Variants in TANC2 observed in about 807,000 individuals in gnomAD.
TANC2 encodes protein TANC2.
TANC2 carries 26 observed loss-of-function variants against 210.5 expected under a neutral mutation model. The ratio of observed to expected loss-of-function variants is 0.12; its 90% confidence interval spans 0.09 to 0.17. The LOEUF is 0.17. TANC2 is among the 10% of genes least tolerant of loss of function. The pLI is 1.00. For synonymous variants in TANC2, 931 were observed against 967.1 expected, an observed-to-expected ratio of 0.96 and a Z score of 0.69; for missense variants, 2,129 against 2,608.9, an observed-to-expected ratio of 0.82 and a Z score of 4.01.
At chr17:63,128,315 C>T (rs2145196938) in intron 4 of TANC2, among the ~76,000 whole-genome samples, 1 of 152,238 alleles carries the variant, frequency 6.6e-6, no homozygotes, top group African/African-American at 2.4e-5. Context: ...GTGATTATTA[C>T]ACATTATATG....
At chr17:63,375,881 A>G (rs1170815676) in intron 14 of TANC2, among the ~76,000 whole-genome samples, 2 of 152,160 alleles carry the variant, frequency 1.3e-5, no homozygotes, top group Non-Finnish European at 2.9e-5. Context: ...TGAGATCAGG[A>G]GTTCAAGTCC....
At chr17:63,073,089 T>C (rs1357478000) in intron 2 of TANC2, among the ~76,000 whole-genome samples, 1 of 152,130 alleles carries the variant, frequency 6.6e-6, no homozygotes, top group Non-Finnish European at 1.5e-5. Flanking sequence ...GGAAATTGTT[T>C]GATGCCTTAA....
chr17:63,169,979 C>T (rs540135773), intron 5 of TANC2, among the ~76,000 whole-genome samples: 30 of 142,614 alleles, frequency 2.1e-4, no homozygotes, highest in East Asian at 4.3e-4. Flanking sequence ...ATTAGCCAGG[C>T]GCGGTGGCAG....
At chr17:63,340,501 A>G (rs1426791522) in intron 12 of TANC2, among the ~76,000 whole-genome samples, 169 bp downstream of exon 12, 2 of 152,208 alleles carry the variant, frequency 1.3e-5, no homozygotes, top group African/African-American at 4.8e-5. Flanking sequence ...TGCAAAAAAA[A>G]AAATCCAGCA....
chr17:63,380,885 C>A (rs1598986240), intron 15 of TANC2, among the ~76,000 whole-genome samples: 1 of 152,290 alleles, frequency 6.6e-6, no homozygotes, highest in African/African-American at 2.4e-5. Flanking sequence ...TCTTGTCTAA[C>A]AAATCACTGT....
intron 7 of TANC2, among the ~76,000 whole-genome samples, chr17:63,212,059 G>A (rs2145875149): frequency 1.3e-5 from 2 of 152,216 alleles, no homozygotes; most frequent in Middle Eastern, 6.8e-3. Context: ...GCCCCGGTGT[G>A]TGATGTTCCC....
At chr17:63,361,338 C>T (rs1430275549) in intron 14 of TANC2, among the ~76,000 whole-genome samples, 2 of 152,198 alleles carry the variant, frequency 1.3e-5, no homozygotes, top group African/African-American at 4.8e-5. Flanking sequence ...TGGCCCAGAT[C>T]CCACACCTCC....
At chr17:63,097,127 A>G (rs1395852759) in intron 3 of TANC2, among the ~76,000 whole-genome samples, 1 of 151,528 alleles carries the variant, frequency 6.6e-6, no homozygotes, top group Non-Finnish European at 1.5e-5. Context: ...TGCAGCCTCA[A>G]CCTCCTGGGC....
At chr17:63,201,315 G>A (rs576908980) in intron 7 of TANC2, among the ~76,000 whole-genome samples, 347 of 152,250 alleles carry the variant, frequency 2.3e-3, no homozygotes, top group Non-Finnish European at 4.1e-3. Flanking sequence ...TGAAAGAAAG[G>A]TGAGATTAGA....
intron 9 of TANC2, among the ~76,000 whole-genome samples, chr17:63,307,669 A>G (rs956380599): frequency 4.6e-5 from 7 of 152,208 alleles, no homozygotes; most frequent in African/African-American, 1.4e-4. Context: ...TTGATTTTCT[A>G]TAGAGATTAA....
At chr17:63,060,639 C>A (rs143791858) in intron 2 of TANC2, among the ~76,000 whole-genome samples, 2 of 152,026 alleles carry the variant, frequency 1.3e-5, no homozygotes, top group Non-Finnish European at 2.9e-5. Flanking sequence ...AACAAGTCCT[C>A]ATTTAATCTT....
chr17:63,216,246 AC>A (rs1374045835), intron 7 of TANC2, among the ~76,000 whole-genome samples: 1 of 151,412 alleles, frequency 6.6e-6, no homozygotes, highest in Non-Finnish European at 1.5e-5. Flanking sequence ...ACGGGGTTTC[AC>A]CATGTTGGCC....
intron 8 of TANC2, among the ~76,000 whole-genome samples, chr17:63,266,405 G>T: frequency 6.6e-6 from 1 of 152,034 alleles, no homozygotes; most frequent in East Asian, 1.9e-4. Flanking sequence ...TGAATGAACA[G>T]ATTAACAAAT....
chr17:63,107,951 T>C lies in TANC2; in HGVS notation c.322+8594T>C, dbSNP rs987490018. ...AACTAAATCCATTAAATTGTACTTA[T>C]ATCTCAATAAGGAAGTTTTTTAAAA... is the stretch of plus-strand genomic sequence containing the variant. On this transcript the variant is annotated intron_variant, in intron 4 of 27. Coordinates refer to ENST00000689528, the Ensembl canonical transcript of TANC2. 4.6e-5 allele frequency among the ~76,000 whole-genome samples: 7 copies of C among 151,904 alleles called. No homozygotes were observed. The South Asian group carries it at 1.2e-3, about 27-fold the overall frequency.
intron 8 of TANC2, among the ~76,000 whole-genome samples, chr17:63,255,186 G>C (rs1221470076): frequency 2.0e-5 from 3 of 151,626 alleles, no homozygotes; most frequent in Non-Finnish European, 4.4e-5. Context: ...CTCACTGCAA[G>C]CTCCACCTCC....
In TANC2 at chr17:63,073,976, A is replaced by G. The variant is rs2036488533; in HGVS notation, c.101A>G (p.Gln34Arg). Residue 34 changes from glutamine to arginine, a missense_variant, in exon 3 of 28, where the codon CAG becomes CGG. Gln to Arg is a conservative substitution (Grantham distance 43). Coordinates refer to ENST00000689528, the Ensembl canonical transcript of TANC2. ...AGCGAGGAACCACCGGATCGAAGAC[A>G]GTCAAGTGTAGACTCTCGCCAAAGC... 1.3e-6 allele frequency: 2 copies of G among 1,590,196 alleles called. No homozygotes were observed. The highest frequency in any genetic ancestry group is 1.8e-5 in the Admixed American group (1 of 56,992).
At chr17:63,352,032 C>T (rs1361016481) in intron 13 of TANC2, among the ~76,000 whole-genome samples, 1 of 152,128 alleles carries the variant, frequency 6.6e-6, no homozygotes, top group Non-Finnish European at 1.5e-5. Context: ...GAATGTGAGA[C>T]TGAGCCTGTA....
Position 63,314,912 on chromosome 17 carries a change from C to T in TANC2, c.1441+243C>T, listed in dbSNP as rs566827934. On this transcript the variant is annotated intron_variant, in intron 10 of 27. Coordinates refer to ENST00000689528, the Ensembl canonical transcript of TANC2. ...TCGTGGAATAAGTTTATGACTCCTCCGTGCCGGCTGTGTGGTTGGACTGTC... is the reference window on the plus strand; with the variant it reads ...TCGTGGAATAAGTTTATGACTCCTCTGTGCCGGCTGTGTGGTTGGACTGTC... Among the ~76,000 whole-genome samples the T allele has an allele frequency of 2.6e-4, 39 of 152,262 alleles. No homozygotes were observed. In the South Asian group the frequency reaches 7.3e-3, roughly 28 times the overall value.
intron 1 of TANC2, among the ~76,000 whole-genome samples, chr17:62,998,862 C>A (rs2033240104): frequency 6.6e-6 from 1 of 152,148 alleles, no homozygotes; most frequent in South Asian, 2.1e-4. Context: ...TGCATCATAA[C>A]CAGCTAATAA....
Sources: gnomAD v4.1 joint callset for allele counts (sites outside exome capture counted in the v4.1 genomes callset) on GRCh38, gnomAD v4.1.1 for gene constraint, MANE v1.5 for transcripts, NCBI Gene and HGNC (gene_info 2026-07-23, HGNC 2026-07-21) for gene names.